SLC4A4: variants seen among roughly 807,000 people sequenced by gnomAD.
The protein encoded by SLC4A4 is electrogenic sodium bicarbonate cotransporter 1.
SLC4A4 carries 27 observed loss-of-function variants against 111.5 expected under a neutral mutation model. That is an observed-to-expected ratio of 0.24 (90% confidence interval 0.18 to 0.33). SLC4A4 has a LOEUF of 0.33. Among genes scored for constraint, SLC4A4 ranks in the 10% least tolerant of loss-of-function variants. The probability of loss-of-function intolerance (pLI) is 1.00; values close to 1 mark genes in which losing one functional copy is unlikely to be tolerated. For missense variants in SLC4A4, 909 were observed against 1,315.5 expected (o/e 0.69, Z 4.78); for synonymous variants, 443 against 463.4 (o/e 0.96, Z 0.57).
intron 9 of SLC4A4, 40 bp from the exon 10 acceptor site, chr4:71,450,348 AG>A (rs1261252278): frequency 2.1e-6 from 3 of 1,424,050 alleles, no homozygotes; most frequent in Admixed American, 1.7e-5. Flanking sequence ...GCATGTACAG[AG>A]TTATCTTTTT....
chr4:71,310,454 T>C (rs1212658937), intron 3 of SLC4A4, among the ~76,000 whole-genome samples: 5 of 152,108 alleles, frequency 3.3e-5, no homozygotes, highest in Non-Finnish European at 7.4e-5. Context: ...TCTGGTTACC[T>C]ACAAAAGGAA....
chr4:71,226,967 G>T (rs1719087971), intron 1 of SLC4A4, among the ~76,000 whole-genome samples: 1 of 152,048 alleles, frequency 6.6e-6, no homozygotes, highest in Non-Finnish European at 1.5e-5. Context: ...GACAGTATTT[G>T]CTCTCAAAGA....
intron 1 of SLC4A4, among the ~76,000 whole-genome samples, chr4:71,231,353 A>G (rs547136724): frequency 5.4e-4 from 82 of 152,286 alleles, no homozygotes; most frequent in South Asian, 2.1e-3. Context: ...TCAAGACCCA[A>G]TGGCTGACAG....
chr4:71,314,926 G>GTAAAA (rs36230675), intron 3 of SLC4A4, among the ~76,000 whole-genome samples: 2 of 151,918 alleles, frequency 1.3e-5, no homozygotes, highest in Non-Finnish European at 2.9e-5. Flanking sequence ...AGAACTTAAA[G>GTAAAA]TAAAATAAAA....
chr4:71,082,999 G>A (rs773652844), intron 1 of SLC4A4, among the ~76,000 whole-genome samples: 6 of 151,916 alleles, frequency 3.9e-5, no homozygotes, highest in South Asian at 2.1e-4. Flanking sequence ...GATTACAGGC[G>A]CATGCCACCA....
At chr4:71,474,160 G>T (rs1394017585) in intron 14 of SLC4A4, among the ~76,000 whole-genome samples, 1 of 150,488 alleles carries the variant, frequency 6.6e-6, no homozygotes, top group Non-Finnish European at 1.5e-5. Flanking sequence ...ATTTGTGTCA[G>T]ACAATTACAT....
intron 3 of SLC4A4, among the ~76,000 whole-genome samples, chr4:71,319,084 A>G (rs974402289): frequency 6.6e-6 from 1 of 151,970 alleles, no homozygotes; most frequent in Non-Finnish European, 1.5e-5. Context: ...TCAGATTACT[A>G]CTTAAAGAGG....
intron 2 of SLC4A4, among the ~76,000 whole-genome samples, chr4:71,179,228 A>C (rs1247030948): frequency 5.3e-5 from 8 of 152,188 alleles, no homozygotes; most frequent in African/African-American, 1.9e-4. Flanking sequence ...GCTATCTATG[A>C]CAAACCCACA....
At chr4:71,262,783 A>G (rs1339323245) in intron 3 of SLC4A4, among the ~76,000 whole-genome samples, 1 of 151,894 alleles carries the variant, frequency 6.6e-6, no homozygotes, top group Non-Finnish European at 1.5e-5. Context: ...TCTAGCAAAC[A>G]GTATTTATTC....
intron 14 of SLC4A4, among the ~76,000 whole-genome samples, chr4:71,478,467 A>G (rs952404728): frequency 2.6e-5 from 4 of 151,946 alleles, no homozygotes; most frequent in Non-Finnish European, 5.9e-5. Context: ...AGGGACATGG[A>G]TGAAGCTGGA....
chr4:71,065,315 G>A (rs576436376), intron 1 of SLC4A4, among the ~76,000 whole-genome samples: 3 of 148,750 alleles, frequency 2.0e-5, no homozygotes, highest in Non-Finnish European at 4.6e-5. Context: ...TGAAGGGTAG[G>A]GGGTATTTTG....
In SLC4A4 at chr4:71,472,861, T is replaced by C. The variant is rs1372681151; in HGVS notation, c.1794T>C (p.Tyr598=). The change falls in exon 14 of 26, where the codon TAT becomes TAC. Residue 598 remains tyrosine, a synonymous_variant. Transcript: ENST00000264485. ...FSSLISFIFI[Y]DAFKKMIKLA... ...CTCTGATTAGCTTCATCTTTATCTA[T>C]GATGCTTTCAAGAAGATGATCAAGC... 6.2e-7 allele frequency: 1 copy of C among 1,612,930 alleles called. No homozygotes were observed. Among genetic ancestry groups the C allele is most frequent in the East Asian group, 2.2e-5 (1 of 44,774 alleles).
At chr4:71,565,143 T>C (rs1199604953) in intron 24 of SLC4A4, among the ~76,000 whole-genome samples, 1 of 151,928 alleles carries the variant, frequency 6.6e-6, no homozygotes, top group Non-Finnish European at 1.5e-5. Flanking sequence ...TACCCTCTAC[T>C]TGGGGTACGC....
At chr4:71,198,414 G>T (rs1003894106) in intron 1 of SLC4A4, among the ~76,000 whole-genome samples, 5 of 152,142 alleles carry the variant, frequency 3.3e-5, no homozygotes, top group Admixed American at 2.6e-4. Flanking sequence ...TGAACTTTAT[G>T]CAGTCTTGTC....
chr4:71,278,971 A>G (rs1723289457), intron 3 of SLC4A4, among the ~76,000 whole-genome samples: 1 of 152,136 alleles, frequency 6.6e-6, no homozygotes. Context: ...AAGCTGTACA[A>G]ATTTATGGTA....
intron 18 of SLC4A4, among the ~76,000 whole-genome samples, chr4:71,537,470 G>A (rs182617971): frequency 1.3e-5 from 2 of 151,972 alleles, no homozygotes; most frequent in East Asian, 3.9e-4. Flanking sequence ...GAGAAAGAGA[G>A]AGAGAAGCCC....
At chr4:71,078,919 A>G (rs1741919061) in intron 1 of SLC4A4, among the ~76,000 whole-genome samples, 1 of 151,976 alleles carries the variant, frequency 6.6e-6, no homozygotes, top group Non-Finnish European at 1.5e-5. Flanking sequence ...CCTTGATTCA[A>G]GCGATTCTCC....
At chr4:71,348,788 A>C (rs1358967797) in intron 4 of SLC4A4, among the ~76,000 whole-genome samples, 2 of 152,110 alleles carry the variant, frequency 1.3e-5, no homozygotes, top group Admixed American at 1.3e-4. Flanking sequence ...TAAGAGGTCT[A>C]TAAATAATAC....
intron 6 of SLC4A4, among the ~76,000 whole-genome samples, chr4:71,394,634 A>G (rs568458309): frequency 1.1e-4 from 16 of 152,190 alleles, no homozygotes; most frequent in Non-Finnish European, 1.9e-4. Flanking sequence ...TAGAACTACT[A>G]TAGCAGCACA....
Sources: gnomAD v4.1 joint callset for allele counts (sites outside exome capture counted in the v4.1 genomes callset) on GRCh38, gnomAD v4.1.1 for gene constraint, MANE v1.5 for transcripts, NCBI Gene and HGNC (gene_info 2026-07-23, HGNC 2026-07-21) for gene names.